The following PEBP4 variants were observed in gnomAD, a reference collection of about 807,000 sequenced individuals.
The protein encoded by PEBP4 is phosphatidylethanolamine binding protein 4, also known as phosphatidylethanolamine-binding protein 4.
In PEBP4, 22 loss-of-function variants were observed where a neutral mutation model predicts 23.9. The observed-to-expected ratio is 0.92, with a 90% CI of 0.66 to 1.31. PEBP4 has a LOEUF of 1.31. Among genes scored for constraint, PEBP4 ranks in the 40% most tolerant of loss-of-function variants. The probability of loss-of-function intolerance (pLI) is 0.00; values close to 1 mark genes in which losing one functional copy is unlikely to be tolerated. For missense variants in PEBP4, 324 were observed against 281.7 expected (o/e 1.15, Z -1.07); for synonymous variants, 112 against 99.3 (o/e 1.13, Z -0.76).
rs565809589 is a variant in PEBP4 at position 22,725,053 on chromosome 8, C to T, written c.404-97G>A. The T allele has an allele frequency of 3.0e-5, 27 of 913,420 alleles. No individual in the cohort carries two copies. In the East Asian group the frequency reaches 6.4e-4, roughly 22 times the overall value. The allele number at this position is 913,420 out of a possible 1,614,324, so 56.6% of individuals were successfully genotyped here. A position where few individuals can be genotyped will look rare whatever the true frequency, so the allele number is the denominator to read the frequency against. ...CATGGTCCTGCTGACCTCCCTGGGG[C>T]CCCAGATCAGCACTCGGCCCTGCAA... On this transcript the variant is annotated intron_variant, in intron 5 of 6. Transcript: ENST00000256404.
chr8:22,896,482 T>C (rs1808592218), intron 3 of PEBP4, among the ~76,000 whole-genome samples: 1 of 137,962 alleles, frequency 7.2e-6, no homozygotes, highest in South Asian at 2.1e-4. Context: ...TAGGGGTTTC[T>C]TGAGGCTCAC....
chr8:22,790,006 A>G (rs1333551191), intron 4 of PEBP4, among the ~76,000 whole-genome samples: 1 of 152,058 alleles, frequency 6.6e-6, no homozygotes, highest in Non-Finnish European at 1.5e-5. Flanking sequence ...CTCTGGCCCC[A>G]TGGCCCGCTG....
Position 22,713,331 on chromosome 8 carries a change from G to T in PEBP4, c.*39C>A, listed in dbSNP as rs3853. 6.5e-7 allele frequency: 1 copy of T among 1,538,842 alleles called. No homozygotes were observed. The highest frequency in any genetic ancestry group is 1.3e-5 in the South Asian group (1 of 79,576). On this transcript the variant is annotated 3_prime_UTR_variant, in exon 7 of 7. Transcript: ENST00000256404. The stretch of plus-strand genomic sequence containing the variant: ...TTCCATACCCACATCGTCGGTGGTG[G>T]GCAGTGTGGCCACATGCCCGGATGG...
At position 22,724,844 on chromosome 8, in the gene PEBP4, TC is replaced by T; in HGVS notation, c.515del (p.Arg172GlnfsTer10). Reference sequence around the variant, plus strand: ...GCTGGAAGGATGGGGAGGTCTTACCTCGAGTTTTGTTTTCCTTGGGAAGGAG... The same window carrying T: ...GCTGGAAGGATGGGGAGGTCTTACCTGAGTTTTGTTTTCCTTGGGAAGGAG... ...ISLLPKENKT[R>X]GSWKMDRFLN... On this transcript the variant is annotated frameshift_variant and splice_region_variant, in exon 6 of 7. Transcript: ENST00000256404. LOFTEE classifies it low-confidence loss of function (END_TRUNC). 1 of 1,610,672 alleles carries T rather than the reference TC, an allele frequency of 6.2e-7. No homozygotes were observed. Among genetic ancestry groups the T allele is most frequent in the Non-Finnish European group, 8.5e-7 (1 of 1,176,902 alleles).
intron 3 of PEBP4, among the ~76,000 whole-genome samples, chr8:22,863,917 C>T (rs540228491): frequency 6.6e-6 from 1 of 152,322 alleles, no homozygotes; most frequent in African/African-American, 2.4e-5. Context: ...CTCTCCAAGA[C>T]ACTTCTCCAT....
At chr8:22,876,300 G>A (rs1808120559) in intron 3 of PEBP4, among the ~76,000 whole-genome samples, 3 of 152,152 alleles carry the variant, frequency 2.0e-5, no homozygotes, top group Admixed American at 2.0e-4. Flanking sequence ...GTGTCTACTG[G>A]CTCTGCCAGC....
intron 3 of PEBP4, among the ~76,000 whole-genome samples, chr8:22,879,704 G>T (rs1223072308): frequency 6.6e-6 from 1 of 152,188 alleles, no homozygotes; most frequent in East Asian, 1.9e-4. Flanking sequence ...ACCGGGGGAG[G>T]TGTGATTTCA....
At chr8:22,928,326 G>A (rs538187202), upstream of PEBP4, among the ~76,000 whole-genome samples, 3 of 152,316 alleles carry the variant, frequency 2.0e-5, no homozygotes, top group South Asian at 6.2e-4. Flanking sequence ...GTGGGGGTAG[G>A]TGCACCCCAG....
At chr8:22,863,637 T>C (rs1050798336) in intron 3 of PEBP4, among the ~76,000 whole-genome samples, 3 of 152,188 alleles carry the variant, frequency 2.0e-5, no homozygotes, top group Non-Finnish European at 2.9e-5. Flanking sequence ...CTCTGATCTG[T>C]TCAACGCACA....
At chr8:22,921,837 G>C (rs1183684648) in intron 2 of PEBP4, among the ~76,000 whole-genome samples, 1 of 152,218 alleles carries the variant, frequency 6.6e-6, no homozygotes, top group African/African-American at 2.4e-5. Flanking sequence ...TGTTTCTGCT[G>C]CAACTCCTTG....
At chr8:22,816,715 C>G (rs995565824) in intron 4 of PEBP4, among the ~76,000 whole-genome samples, 1 of 152,136 alleles carries the variant, frequency 6.6e-6, no homozygotes, top group Non-Finnish European at 1.5e-5. Context: ...TTTCTAGTTC[C>G]GAGTTCCCAC....
intron 3 of PEBP4, among the ~76,000 whole-genome samples, chr8:22,859,068 A>T (rs1422268944): frequency 1.3e-5 from 2 of 152,252 alleles, no homozygotes; most frequent in Non-Finnish European, 2.9e-5. Flanking sequence ...CACTTCAAAA[A>T]ACCCAACATG....
rs1052855068 is a variant in PEBP4 at position 22,731,816 on chromosome 8, G to A, written c.358-4596C>T. Among the ~76,000 whole-genome samples the A allele has an allele frequency of 6.1e-5, 9 of 148,700 alleles. No individual in the cohort carries two copies. The East Asian group carries it at 7.8e-4, about 13-fold the overall frequency. On this transcript the variant is annotated intron_variant, in intron 4 of 6. Coordinates refer to ENST00000256404, the MANE Select transcript of PEBP4 (RefSeq NM_144962.3). The stretch of plus-strand genomic sequence containing the variant: ...TGGGACTACAGGTGCCTGCCATGGC[G>A]CCCGGCTAATTTTTTTTTTTTTTTT...
intron 3 of PEBP4, among the ~76,000 whole-genome samples, chr8:22,850,195 AT>A (rs1420061190): frequency 4.6e-5 from 7 of 151,948 alleles, no homozygotes; most frequent in African/African-American, 1.7e-4. Context: ...AGCTGGGATG[AT>A]TCTTGTTCTT....
At chr8:22,935,442 C>T (rs913146494) in intron 1 of PEBP4, among the ~76,000 whole-genome samples, 6 of 152,170 alleles carry the variant, frequency 3.9e-5, no homozygotes, top group Non-Finnish European at 7.4e-5. Context: ...AGGAGAATTG[C>T]TTGAACCCAG....
intron 1 of PEBP4, among the ~76,000 whole-genome samples, chr8:22,937,356 G>A (rs1809554347): frequency 6.6e-6 from 1 of 152,128 alleles, no homozygotes; most frequent in Non-Finnish European, 1.5e-5. Flanking sequence ...ACATAAAGCA[G>A]AATAAACTAG....
At chr8:22,759,241 A>G (rs1021968416) in intron 4 of PEBP4, among the ~76,000 whole-genome samples, 2 of 147,836 alleles carry the variant, frequency 1.4e-5, no homozygotes, top group African/African-American at 5.0e-5. Context: ...GAGACCCCGC[A>G]TAGACGGAGG....
intron 3 of PEBP4, among the ~76,000 whole-genome samples, chr8:22,847,298 G>T (rs1359363711): frequency 6.6e-6 from 1 of 152,138 alleles, no homozygotes; most frequent in Non-Finnish European, 1.5e-5. Flanking sequence ...ACGCTTTAAG[G>T]TGTCACTTCT....
At chr8:22,908,022 AAAAG>A (rs1204316497) in intron 3 of PEBP4, among the ~76,000 whole-genome samples, 2 of 151,928 alleles carry the variant, frequency 1.3e-5, no homozygotes, top group Non-Finnish European at 2.9e-5. Context: ...CAAAAAAAAA[AAAAG>A]AGATACTGAT....
Sources: gnomAD v4.1 joint callset for allele counts (sites outside exome capture counted in the v4.1 genomes callset) on GRCh38, gnomAD v4.1.1 for gene constraint, MANE v1.5 for transcripts, NCBI Gene and HGNC (gene_info 2026-07-23, HGNC 2026-07-21) for gene names.